CSMD2: variants seen among roughly 807,000 people sequenced by gnomAD.
The protein encoded by CSMD2 is CUB and sushi domain-containing protein 2.
Under a neutral mutation model 398.5 loss-of-function variants are expected in CSMD2, and 130 were observed. The ratio of observed to expected loss-of-function variants is 0.33; its 90% confidence interval spans 0.28 to 0.38. The LOEUF (loss-of-function observed/expected upper bound fraction) is 0.38. Among genes scored for constraint, CSMD2 ranks in the 10% least tolerant of loss-of-function variants. CSMD2 has a pLI of 1.00. For synonymous variants in CSMD2, 1,828 were observed against 1,908.5 expected (o/e 0.96, Z 1.10); for missense variants, 3,829 against 4,764.9 (o/e 0.80, Z 5.78).
At chr1:33,707,971 T>C (rs569204055) in intron 22 of CSMD2, among the ~76,000 whole-genome samples, 1 of 152,318 alleles carries the variant, frequency 6.6e-6, no homozygotes, top group African/African-American at 2.4e-5. Flanking sequence ...GCTAAAAAAA[T>C]TCCTTGGCCT....
intron 3 of CSMD2, among the ~76,000 whole-genome samples, chr1:34,005,248 C>A (rs1647021575): frequency 6.6e-6 from 1 of 152,226 alleles, no homozygotes; most frequent in Admixed American, 6.5e-5. Context: ...AGACCTACTT[C>A]CTGGGCAATG....
At chr1:33,726,414 TG>T in intron 16 of CSMD2, 132 bp downstream of exon 16, 4 of 1,070,134 alleles carry the variant, frequency 3.7e-6, no homozygotes, top group Non-Finnish European at 5.2e-6. Context: ...CAGGGCAATT[TG>T]GTCCAGTGTT....
At chr1:33,807,539 A>G (rs1570047434) in intron 10 of CSMD2, among the ~76,000 whole-genome samples, 2 of 152,220 alleles carry the variant, frequency 1.3e-5, no homozygotes, top group African/African-American at 2.4e-5. Context: ...TGGTAAACAA[A>G]TAAGTGGTCA....
chr1:33,679,712 A>AT, intron 25 of CSMD2, among the ~76,000 whole-genome samples: 1 of 152,066 alleles, frequency 6.6e-6, no homozygotes. Context: ...AATTTATTTT[A>AT]TTTTTTACTT....
intron 3 of CSMD2, among the ~76,000 whole-genome samples, chr1:33,945,226 C>T (rs974899027): frequency 5.3e-5 from 8 of 151,944 alleles, no homozygotes; most frequent in South Asian, 2.1e-4. Flanking sequence ...ACTCCCAGTT[C>T]GATTTGAAGT....
chr1:33,971,971 C>T (rs1008954362), intron 3 of CSMD2, among the ~76,000 whole-genome samples: 5 of 152,194 alleles, frequency 3.3e-5, no homozygotes, highest in African/African-American at 1.2e-4. Flanking sequence ...TTGATATTTC[C>T]ATCACTGGTA....
chr1:33,605,684 A>G (rs746196665), intron 41 of CSMD2, among the ~76,000 whole-genome samples: 8 of 152,202 alleles, frequency 5.3e-5, no homozygotes, highest in African/African-American at 1.4e-4. Context: ...TAACACATAC[A>G]TAGCTCTTTC....
At chr1:34,040,180 G>T (rs1309233809) in intron 2 of CSMD2, among the ~76,000 whole-genome samples, 1 of 141,566 alleles carries the variant, frequency 7.1e-6, no homozygotes, top group East Asian at 2.0e-4. Context: ...AAAAAAGTGA[G>T]ATCCTGACTC....
chr1:33,959,150 G>T (rs778341874), intron 3 of CSMD2, among the ~76,000 whole-genome samples: 1 of 152,222 alleles, frequency 6.6e-6, no homozygotes. Context: ...GAGAGGAAAG[G>T]CGCCTGCTCT....
chr1:33,982,323 C>T (rs10914825), intron 3 of CSMD2, among the ~76,000 whole-genome samples: 38,820 of 152,040 alleles, frequency 0.26, 5,776 homozygotes, highest in Non-Finnish European at 0.34. Context: ...TGCAAAGGGG[C>T]TGCACAGTGG....
chr1:34,088,823 T>C (rs1327802890), intron 2 of CSMD2, among the ~76,000 whole-genome samples, 154 bp downstream of exon 2: 1 of 152,096 alleles, frequency 6.6e-6, no homozygotes, highest in African/African-American at 2.4e-5. Context: ...GCAAGAGACA[T>C]GAATTGGAAA....
chr1:34,146,562 A>G (rs1458477819), intron 1 of CSMD2, among the ~76,000 whole-genome samples: 1 of 152,188 alleles, frequency 6.6e-6, no homozygotes, highest in Non-Finnish European at 1.5e-5. Context: ...TAAGAGTGCT[A>G]TGTTCCAACT....
intron 44 of CSMD2, among the ~76,000 whole-genome samples, chr1:33,596,424 C>T (rs1013658954): frequency 2.0e-5 from 3 of 152,290 alleles, no homozygotes; most frequent in Middle Eastern, 3.4e-3. Context: ...ATGGTTCACA[C>T]TCCCTCTTGC....
At chr1:33,765,079 C>T (rs570546143) in intron 13 of CSMD2, among the ~76,000 whole-genome samples, 2 of 151,984 alleles carry the variant, frequency 1.3e-5, no homozygotes, top group East Asian at 1.9e-4. Flanking sequence ...CGGAAGTAGG[C>T]GAACAAAAAC....
At chr1:33,704,762 T>C (rs538695604) in intron 22 of CSMD2, among the ~76,000 whole-genome samples, 1 of 152,210 alleles carries the variant, frequency 6.6e-6, no homozygotes, top group African/African-American at 2.4e-5. Context: ...GTCGTCTTTG[T>C]TTGCTTGTTT....
At chr1:33,987,798 C>T (rs983866223) in intron 3 of CSMD2, among the ~76,000 whole-genome samples, 1 of 152,142 alleles carries the variant, frequency 6.6e-6, no homozygotes. Context: ...TCCTGTGTCC[C>T]CTAAAATCAG....
chr1:33,791,222 CAA>C (rs1654268500), intron 11 of CSMD2, among the ~76,000 whole-genome samples: 1 of 152,228 alleles, frequency 6.6e-6, no homozygotes, highest in South Asian at 2.1e-4. Context: ...TGGCTGAAAT[CAA>C]AAGACATGAA....
chr1:33,918,297 A>G lies in CSMD2; in HGVS notation c.717T>C (p.Asp239=), dbSNP rs1244193779. ...WDFPLPSCRA[D]DACGGTLRGQ... The stretch of plus-strand genomic sequence containing the variant: ...CCCGCAGGGTCCCACCACAGGCATC[A>G]TCAGCTGTGGGCACAGAGAGAAGAG... Residue 239 remains aspartate, a synonymous_variant, in exon 5 of 71, where the codon GAT becomes GAC. Coordinates refer to ENST00000373381, the MANE Select transcript of CSMD2 (RefSeq NM_001281956.2). 7 of 1,613,644 alleles carry G rather than the reference A, an allele frequency of 4.3e-6. No homozygotes were observed. The highest frequency in any genetic ancestry group is 1.1e-5 in the South Asian group (1 of 91,054).
At chr1:33,569,078 G>A (rs1270085834) in intron 52 of CSMD2, among the ~76,000 whole-genome samples, 4 of 152,070 alleles carry the variant, frequency 2.6e-5, no homozygotes, top group Non-Finnish European at 5.9e-5. Flanking sequence ...ATGGAGACTG[G>A]GGCTTCACTC....
Sources: gnomAD v4.1 joint callset for allele counts (sites outside exome capture counted in the v4.1 genomes callset) on GRCh38, gnomAD v4.1.1 for gene constraint, MANE v1.5 for transcripts, NCBI Gene and HGNC (gene_info 2026-07-23, HGNC 2026-07-21) for gene names.